CSMD1: variants seen among roughly 807,000 people sequenced by gnomAD.
CSMD1 encodes the protein CUB and Sushi multiple domains 1, also known as CUB and sushi domain-containing protein 1.
Under a neutral mutation model 417.5 loss-of-function variants are expected in CSMD1, and 213 were observed. The observed-to-expected ratio is 0.51, with a 90% CI of 0.46 to 0.57. CSMD1 has a LOEUF of 0.57. Ranked by LOEUF, CSMD1 falls within the 20% of genes least tolerant of loss-of-function variation. CSMD1 has a pLI of 0.00. For missense variants in CSMD1, 6,923 were observed against 4,529.7 expected, an observed-to-expected ratio of 1.53 and a Z score of -15.17; for synonymous variants, 2,862 against 1,736.8, an observed-to-expected ratio of 1.65 and a Z score of -16.11.
rs139573752 is a variant in CSMD1, at chr8:4,151,425, C to G, written c.416-119326G>C. On this transcript the variant is annotated intron_variant, in intron 3 of 69. Transcript: ENST00000635120. ...TACTCTTTAAAAATATAAATAAATT[C>G]TGAGACATTTGTAATTGCAATAAGA... Among the ~76,000 whole-genome samples, 4 of 152,266 alleles carry G rather than the reference C, an allele frequency of 2.6e-5. No homozygotes were observed. The East Asian group carries it at 5.8e-4, about 22-fold the overall frequency.
intron 3 of CSMD1, among the ~76,000 whole-genome samples, chr8:4,071,886 G>A (rs1799577642): frequency 6.6e-6 from 1 of 152,126 alleles, no homozygotes; most frequent in Non-Finnish European, 1.5e-5. Flanking sequence ...TACCCCATTT[G>A]GAATCTGCTC....
chr8:4,113,327 C>G (rs930046959), intron 3 of CSMD1, among the ~76,000 whole-genome samples: 1 of 150,534 alleles, frequency 6.6e-6, no homozygotes, highest in African/African-American at 2.4e-5. Context: ...AAAACTAGGC[C>G]TGCTGCACCC....
intron 3 of CSMD1, among the ~76,000 whole-genome samples, chr8:4,288,522 C>T (rs1417973131): frequency 3.3e-5 from 5 of 152,184 alleles, no homozygotes; most frequent in Non-Finnish European, 5.9e-5. Context: ...CCAGTAGTAG[C>T]AGATACCACA....
intron 2 of CSMD1, among the ~76,000 whole-genome samples, chr8:4,433,705 T>C (rs1016978848): frequency 6.6e-6 from 1 of 152,222 alleles, no homozygotes; most frequent in Non-Finnish European, 1.5e-5. Context: ...TGTGAATATA[T>C]AAAATTCCCA....
intron 2 of CSMD1, among the ~76,000 whole-genome samples, chr8:4,601,423 A>T (rs1800574167): frequency 6.6e-6 from 1 of 152,214 alleles, no homozygotes; most frequent in Non-Finnish European, 1.5e-5. Context: ...TCACAGCCTC[A>T]GACCCACTTC....
intron 1 of CSMD1, among the ~76,000 whole-genome samples, chr8:4,931,903 G>C (rs996643775): frequency 6.6e-6 from 1 of 152,158 alleles, no homozygotes; most frequent in Admixed American, 6.5e-5. Context: ...ATGTACTTTA[G>C]AAATGTCCCT....
intron 37 of CSMD1, among the ~76,000 whole-genome samples, chr8:3,166,243 C>G (rs1038493512): frequency 3.3e-4 from 50 of 152,082 alleles, no homozygotes; most frequent in Non-Finnish European, 7.4e-5. Context: ...CACATCATGT[C>G]TGTTAGGCTG....
At chr8:3,871,816 G>C (rs1010528821) in intron 5 of CSMD1, among the ~76,000 whole-genome samples, 29 of 152,336 alleles carry the variant, frequency 1.9e-4, no homozygotes, top group Non-Finnish European at 1.3e-4. Context: ...GAAGTGTGAA[G>C]CTTGTGAAGG....
At chr8:4,463,603 C>T (rs781687256) in intron 2 of CSMD1, among the ~76,000 whole-genome samples, 3 of 152,168 alleles carry the variant, frequency 2.0e-5, no homozygotes, top group African/African-American at 7.2e-5. Flanking sequence ...ATTTATTCCA[C>T]AACCTGACAA....
At chr8:4,547,893 A>T (rs1273814817) in intron 2 of CSMD1, among the ~76,000 whole-genome samples, 2 of 152,192 alleles carry the variant, frequency 1.3e-5, no homozygotes, top group African/African-American at 2.4e-5. Context: ...CTGAGCAATA[A>T]TTCAGCCATG....
At chr8:4,325,514 A>C (rs1995536) in intron 3 of CSMD1, among the ~76,000 whole-genome samples, 26,841 of 152,116 alleles carry the variant, frequency 0.18, 2,674 homozygotes, top group African/African-American at 0.26. Flanking sequence ...ATTTTTGCAT[A>C]CTCACTTTGC....
intron 38 of CSMD1, among the ~76,000 whole-genome samples, chr8:3,158,405 T>G (rs1819668889): frequency 6.6e-6 from 1 of 152,096 alleles, no homozygotes; most frequent in African/African-American, 2.4e-5. Flanking sequence ...AGAGGTAGCT[T>G]CGGTGGTTGT....
intron 1 of CSMD1, among the ~76,000 whole-genome samples, chr8:4,661,374 A>G (rs781029263): frequency 9.9e-5 from 15 of 152,236 alleles, no homozygotes; most frequent in Admixed American, 3.9e-4. Flanking sequence ...GGCTGAGTAT[A>G]CAAAGCCAAT....
At chr8:3,987,066 G>C (rs1013624544) in intron 5 of CSMD1, among the ~76,000 whole-genome samples, 3 of 152,150 alleles carry the variant, frequency 2.0e-5, no homozygotes, top group South Asian at 2.1e-4. Flanking sequence ...AAATGTTAAA[G>C]TGATTTCTAT....
chr8:4,462,371 C>T (rs1799886899), intron 2 of CSMD1, among the ~76,000 whole-genome samples: 1 of 152,056 alleles, frequency 6.6e-6, no homozygotes, highest in Non-Finnish European at 1.5e-5. Context: ...AAAAATATTT[C>T]ATGTACATGA....
intron 1 of CSMD1, among the ~76,000 whole-genome samples, chr8:4,944,901 A>C (rs924024192): frequency 3.3e-5 from 5 of 152,184 alleles, no homozygotes; most frequent in African/African-American, 1.2e-4. Flanking sequence ...TCCACTTCTG[A>C]GGATATACTC....
At chr8:2,940,882 G>A (rs1247424526) in intron 69 of CSMD1, among the ~76,000 whole-genome samples, 1 of 152,128 alleles carries the variant, frequency 6.6e-6, no homozygotes, top group Non-Finnish European at 1.5e-5. Flanking sequence ...GGAATTGTAA[G>A]TTCCTACATA....
intron 5 of CSMD1, among the ~76,000 whole-genome samples, chr8:3,972,557 C>T (rs550788457): frequency 6.6e-6 from 1 of 152,300 alleles, no homozygotes; most frequent in African/African-American, 2.4e-5. Context: ...ACATATTGCT[C>T]ACAGGGCCTC....
intron 3 of CSMD1, among the ~76,000 whole-genome samples, chr8:4,103,092 G>C (rs903848566): frequency 1.3e-5 from 2 of 152,058 alleles, no homozygotes; most frequent in Non-Finnish European, 2.9e-5. Flanking sequence ...GCTCCAGACA[G>C]TTCTATAAAG....
Sources: gnomAD v4.1 joint callset for allele counts (sites outside exome capture counted in the v4.1 genomes callset) on GRCh38, gnomAD v4.1.1 for gene constraint, MANE v1.5 for transcripts, NCBI Gene and HGNC (gene_info 2026-07-23, HGNC 2026-07-21) for gene names.